Variants in TRPM1 observed in about 807,000 individuals in gnomAD.
TRPM1 encodes TRPM1-203 APA Isoform, Intron 10.
TRPM1 carries 113 observed loss-of-function variants against 149.4 expected under a neutral mutation model. That is an observed-to-expected ratio of 0.76 (90% CI 0.65 to 0.88). TRPM1 has a LOEUF of 0.88. TRPM1 is among the 40% of genes least tolerant of loss of function. The pLI is 0.00. For missense variants in TRPM1, 1,976 were observed against 2,038.7 expected (o/e 0.97, Z 0.59); for synonymous variants, 741 against 759.5 (o/e 0.98, Z 0.40).
intron 3 of TRPM1, among the ~76,000 whole-genome samples, chr15:31,074,113 A>G (rs946672556): frequency 6.6e-5 from 10 of 152,092 alleles, no homozygotes; most frequent in Middle Eastern, 3.2e-3. Flanking sequence ...TATTTTGTTC[A>G]GAATTTCTGC....
At chr15:31,088,769 C>T (rs865805054) in intron 1 of TRPM1, among the ~76,000 whole-genome samples, 1 of 148,818 alleles carries the variant, frequency 6.7e-6, no homozygotes, top group Non-Finnish European at 1.5e-5. Flanking sequence ...ACGTTCCCAA[C>T]CATGGTATCA....
In TRPM1 at chr15:31,047,240, C is replaced by T. The variant is rs201426913; in HGVS notation, c.1635G>A (p.Pro545=). 1.1e-5 allele frequency: 17 copies of T among 1,614,050 alleles called. No individual in the cohort carries two copies. Among genetic ancestry groups the T allele is most frequent in the African/African-American group, 5.3e-5 (4 of 74,902 alleles). ...CTATGAGGCTGATGTGGTAATCAGG[C>T]GGAAGGTTGCTCTGTAAAAGAAGTC... ...LVRDVKKSNL[P]PDYHISLIDI... is the part of the protein sequence containing the mutation. The change falls in exon 15 of 28, where the codon CCG becomes CCA. Residue 545 remains proline (P), a synonymous_variant. Transcript: ENST00000256552.
intron 1 of TRPM1, among the ~76,000 whole-genome samples, chr15:31,098,745 C>G (rs1468557895): frequency 1.3e-5 from 2 of 152,040 alleles, no homozygotes; most frequent in East Asian, 3.9e-4. Context: ...CAGGCATTAC[C>G]CACCCTGGGG....
chr15:31,050,463 C>T lies in TRPM1; in HGVS notation c.1383G>A (p.Val461=), dbSNP rs747727100. ...CAGTTTCTTCCTCCACTTCCTCTTTCACTTTCCCTTTCTTCTTGCCTTTCC... is the reference window on the plus strand; with the variant it reads ...CAGTTTCTTCCTCCACTTCCTCTTTTACTTTCCCTTTCTTCTTGCCTTTCC... ...GKGKGKKKGK[V]KEEVEEETDP... Residue 461 remains valine, a synonymous_variant, in exon 12 of 28, where the codon GTG becomes GTA. Coordinates refer to ENST00000256552, the MANE Select transcript of TRPM1 (RefSeq NM_001252024.2). 3 of 1,614,024 alleles carry T rather than the reference C, an allele frequency of 1.9e-6. No individual in the cohort carries two copies. The highest frequency in any genetic ancestry group is 2.2e-5 in the East Asian group (1 of 44,898).
intron 21 of TRPM1, 46 bp from the exon 22 acceptor site, chr15:31,032,986 A>C: frequency 6.2e-7 from 1 of 1,612,322 alleles, no homozygotes; most frequent in Non-Finnish European, 8.5e-7. Flanking sequence ...GCCGTATTAG[A>C]AGTCTTGTCT....
chr15:31,071,469 G>A (rs948342085), intron 3 of TRPM1, among the ~76,000 whole-genome samples: 1 of 152,112 alleles, frequency 6.6e-6, no homozygotes, highest in Non-Finnish European at 1.5e-5. Flanking sequence ...CTCCCATGGG[G>A]CCAGCCTTGG....
intron 27 of TRPM1, among the ~76,000 whole-genome samples, chr15:31,023,360 C>G (rs2032614339): frequency 6.6e-6 from 1 of 152,234 alleles, no homozygotes; most frequent in African/African-American, 2.4e-5. Context: ...TAGTGCATGG[C>G]AAAGCCAGAG....
intron 6 of TRPM1, among the ~76,000 whole-genome samples, chr15:31,066,834 A>G (rs185948934): frequency 3.3e-4 from 51 of 152,296 alleles, no homozygotes; most frequent in African/African-American, 1.2e-3. Flanking sequence ...AAAGGGCAAC[A>G]GGAGGGATCC....
intron 1 of TRPM1, among the ~76,000 whole-genome samples, chr15:31,113,710 C>T (rs1033008881): frequency 6.6e-6 from 1 of 152,126 alleles, no homozygotes; most frequent in South Asian, 2.1e-4. Flanking sequence ...TAGTTCATTC[C>T]GGTGGATTTC....
intron 27 of TRPM1, among the ~76,000 whole-genome samples, chr15:31,007,205 C>CA (rs1344601271): frequency 2.6e-5 from 4 of 152,164 alleles, no homozygotes; most frequent in Admixed American, 1.3e-4. Flanking sequence ...TCATTTTTTG[C>CA]ATAAGAATGT....
chr15:31,080,619 C>T (rs2034829791), intron 2 of TRPM1, among the ~76,000 whole-genome samples: 3 of 144,262 alleles, frequency 2.1e-5, no homozygotes, highest in African/African-American at 7.8e-5. Context: ...GCCCCCAGGC[C>T]CCGCCCCCAA....
chr15:31,096,457 G>T (rs2035388160), intron 1 of TRPM1, among the ~76,000 whole-genome samples: 1 of 152,230 alleles, frequency 6.6e-6, no homozygotes, highest in Admixed American at 6.5e-5. Flanking sequence ...TACCCTGATT[G>T]TCTGGGAACC....
At chr15:31,017,219 AG>A (rs2032398447) in intron 27 of TRPM1, among the ~76,000 whole-genome samples, 1 of 152,004 alleles carries the variant, frequency 6.6e-6, no homozygotes, top group Non-Finnish European at 1.5e-5. Flanking sequence ...GGCAGGACAA[AG>A]GTTGCTTGAA....
chr15:31,088,835 G>C (rs569925078), intron 1 of TRPM1, among the ~76,000 whole-genome samples: 7 of 150,626 alleles, frequency 4.6e-5, no homozygotes, highest in Non-Finnish European at 1.0e-4. Context: ...CTTTGTACCG[G>C]GGCGATGCGA....
chr15:31,134,166 C>T (rs926423153), intron 1 of TRPM1, among the ~76,000 whole-genome samples: 2 of 152,166 alleles, frequency 1.3e-5, no homozygotes, highest in African/African-American at 4.8e-5. Flanking sequence ...TTCAGCAGGT[C>T]ACCCCTTTCT....
intron 1 of TRPM1, among the ~76,000 whole-genome samples, chr15:31,114,160 C>G (rs1178242333): frequency 1.3e-5 from 2 of 152,174 alleles, no homozygotes; most frequent in African/African-American, 4.8e-5. Context: ...CTGATCTTTT[C>G]TCTCCTCCCA....
At chr15:31,050,380 G>C in intron 12 of TRPM1, 29 bp downstream of exon 12, 1 of 1,614,124 alleles carries the variant, frequency 6.2e-7, no homozygotes, top group Non-Finnish European at 8.5e-7. Flanking sequence ...GTGATGCCAA[G>C]CTCGTGATCT....
At chr15:31,007,288 A>G (rs1424957948) in intron 27 of TRPM1, among the ~76,000 whole-genome samples, 1 of 152,168 alleles carries the variant, frequency 6.6e-6, no homozygotes, top group Non-Finnish European at 1.5e-5. Context: ...CTTTGGGGAA[A>G]GAAATCAATT....
At chr15:31,124,546 T>A (rs1370056315) in intron 1 of TRPM1, among the ~76,000 whole-genome samples, 1 of 150,188 alleles carries the variant, frequency 6.7e-6, no homozygotes, top group African/African-American at 2.5e-5. Flanking sequence ...CCCAGCTACT[T>A]GGGAGGCTGA....
Sources: allele counts gnomAD v4.1 joint callset (sites outside exome capture counted in the v4.1 genomes callset), GRCh38; gene constraint gnomAD v4.1.1; transcripts MANE v1.5; gene names NCBI Gene and HGNC (gene_info 2026-07-23, HGNC 2026-07-21).